The following KCNH8 variants were observed in gnomAD, a reference collection of about 807,000 sequenced individuals.
The protein encoded by KCNH8 is voltage-gated delayed rectifier potassium channel KCNH8.
A neutral mutation model predicts 103.6 loss-of-function variants in KCNH8; 70 were observed. The observed-to-expected ratio is 0.68, with a 90% confidence interval of 0.56 to 0.82. KCNH8 has a LOEUF of 0.82. KCNH8 is among the 40% of genes least tolerant of loss of function. The pLI is 0.00. For synonymous variants in KCNH8, 498 were observed against 489.4 expected (o/e 1.02, Z -0.23); for missense variants, 1,217 against 1,329.9 (o/e 0.92, Z 1.32).
chr3:19,232,561 A>T (rs2064008522), intron 1 of KCNH8, among the ~76,000 whole-genome samples: 1 of 152,326 alleles, frequency 6.6e-6, no homozygotes, highest in East Asian at 1.9e-4. Context: ...AATTAGAAAA[A>T]GGTACTCCTG....
intron 11 of KCNH8, among the ~76,000 whole-genome samples, chr3:19,484,432 T>C (rs540358811): frequency 6.6e-6 from 1 of 152,314 alleles, no homozygotes; most frequent in South Asian, 2.1e-4. Flanking sequence ...AAGTCCAAAT[T>C]ATAAGGAAAA....
chr3:19,157,315 A>G (rs2063190428), intron 1 of KCNH8, among the ~76,000 whole-genome samples: 2 of 152,094 alleles, frequency 1.3e-5, no homozygotes, highest in African/African-American at 4.8e-5. Flanking sequence ...TTTTGCTGTG[A>G]TTTGATGAGT....
chr3:19,443,974 TCAATGCAATCC>T (rs1354419519), intron 8 of KCNH8, among the ~76,000 whole-genome samples: 2 of 151,958 alleles, frequency 1.3e-5, no homozygotes, highest in Non-Finnish European at 2.9e-5. Flanking sequence ...ACCTAAAGAC[TCAATGCAATCC>T]CAATAAAAAT....
chr3:19,446,679 C>G (rs2125179469), intron 8 of KCNH8, among the ~76,000 whole-genome samples: 1 of 151,932 alleles, frequency 6.6e-6, no homozygotes, highest in East Asian at 1.9e-4. Context: ...GAAAACACCC[C>G]CTACTTAGCC....
At chr3:19,437,301 T>C (rs952990661) in intron 7 of KCNH8, among the ~76,000 whole-genome samples, 2 of 152,156 alleles carry the variant, frequency 1.3e-5, no homozygotes, top group African/African-American at 4.8e-5. Context: ...ATAAAGAATT[T>C]TAAAGTGATT....
intron 11 of KCNH8, among the ~76,000 whole-genome samples, chr3:19,488,240 C>T (rs749320848): frequency 3.9e-5 from 6 of 152,114 alleles, no homozygotes; most frequent in Non-Finnish European, 1.5e-5. Flanking sequence ...AAAGTGTGGG[C>T]GATTAGACTG....
At chr3:19,292,669 G>C (rs1370759143) in intron 3 of KCNH8, among the ~76,000 whole-genome samples, 1 of 152,128 alleles carries the variant, frequency 6.6e-6, no homozygotes, top group Admixed American at 6.6e-5. Flanking sequence ...GGGCACTCAG[G>C]CTCTTTTGGC....
intron 1 of KCNH8, among the ~76,000 whole-genome samples, chr3:19,158,315 C>T (rs1261176616): frequency 6.6e-6 from 1 of 151,534 alleles, no homozygotes; most frequent in Non-Finnish European, 1.5e-5. Context: ...ATTATATTAA[C>T]TGATCTTTTT....
intron 6 of KCNH8, among the ~76,000 whole-genome samples, chr3:19,394,734 T>G (rs2066489219): frequency 6.6e-6 from 1 of 152,046 alleles, no homozygotes; most frequent in Non-Finnish European, 1.5e-5. Flanking sequence ...GAAGGGAATG[T>G]AGGGTTGAAA....
At chr3:19,471,964 A>G (rs1423269963) in intron 11 of KCNH8, among the ~76,000 whole-genome samples, 10 of 152,192 alleles carry the variant, frequency 6.6e-5, no homozygotes, top group Non-Finnish European at 1.2e-4. Context: ...TAAGCTGTAC[A>G]CTTTTGACTT....
At chr3:19,309,587 T>C (rs776941872) in intron 3 of KCNH8, among the ~76,000 whole-genome samples, 1 of 151,918 alleles carries the variant, frequency 6.6e-6, no homozygotes, top group Non-Finnish European at 1.5e-5. Flanking sequence ...AACTAACATA[T>C]ATTATTCTAT....
At chr3:19,319,231 T>G (rs1439439321) in intron 3 of KCNH8, among the ~76,000 whole-genome samples, 1 of 152,118 alleles carries the variant, frequency 6.6e-6, no homozygotes, top group African/African-American at 2.4e-5. Flanking sequence ...GGTCATGAAG[T>G]CTTTGCCTAA....
intron 1 of KCNH8, among the ~76,000 whole-genome samples, chr3:19,238,703 T>A (rs1365776220): frequency 6.6e-6 from 1 of 152,190 alleles, no homozygotes; most frequent in Non-Finnish European, 1.5e-5. Context: ...AAGCTTACTG[T>A]GATGTTACTT....
At chr3:19,294,868 G>T (rs12485415) in intron 3 of KCNH8, among the ~76,000 whole-genome samples, 10,087 of 152,190 alleles carry the variant, frequency 0.066, 472 homozygotes, top group East Asian at 0.19. Context: ...TCTGCAGCCA[G>T]TCAAAATACT....
chr3:19,191,065 G>A (rs2063548771), intron 1 of KCNH8, among the ~76,000 whole-genome samples: 2 of 151,932 alleles, frequency 1.3e-5, no homozygotes, highest in African/African-American at 4.8e-5. Flanking sequence ...GATGCTTAAT[G>A]TCAGTTTAAG....
intron 2 of KCNH8, among the ~76,000 whole-genome samples, chr3:19,259,428 T>C (rs1363909243): frequency 6.6e-6 from 1 of 151,842 alleles, no homozygotes; most frequent in Non-Finnish European, 1.5e-5. Context: ...CCAGCATATA[T>C]GTTATTTTAT....
At chr3:19,466,440 A>G (rs1447075175) in intron 11 of KCNH8, among the ~76,000 whole-genome samples, 2 of 152,160 alleles carry the variant, frequency 1.3e-5, no homozygotes, top group African/African-American at 2.4e-5. Context: ...CGTATGGTAC[A>G]AAGAAATCAC....
At chr3:19,431,521 C>A (rs1451662025) in intron 7 of KCNH8, among the ~76,000 whole-genome samples, 3 of 152,172 alleles carry the variant, frequency 2.0e-5, no homozygotes, top group Non-Finnish European at 2.9e-5. Flanking sequence ...TTCTTCCCTC[C>A]TTTTTGGTTT....
At chr3:19,235,482 C>G (rs1465968927) in intron 1 of KCNH8, among the ~76,000 whole-genome samples, 1 of 152,072 alleles carries the variant, frequency 6.6e-6, no homozygotes, top group Non-Finnish European at 1.5e-5. Flanking sequence ...ATTGAGGAAG[C>G]AATGTTGGCT....
Sources: gnomAD v4.1 joint callset for allele counts (sites outside exome capture counted in the v4.1 genomes callset) on GRCh38, gnomAD v4.1.1 for gene constraint, MANE v1.5 for transcripts, NCBI Gene and HGNC (gene_info 2026-07-23, HGNC 2026-07-21) for gene names.